The following INSL6 variants were observed in gnomAD, a reference collection of about 807,000 sequenced individuals.
The protein encoded by INSL6 is insulin like 6, also known as insulin-like peptide INSL6.
Under a neutral mutation model 9.4 loss-of-function variants are expected in INSL6, and 16 were observed. The ratio of observed to expected loss-of-function variants is 1.70; its 90% CI spans 1.15 to 2.59. The LOEUF (loss-of-function observed/expected upper bound fraction) is 2.59. Ranked by LOEUF, INSL6 falls within the 30% of genes most tolerant of loss-of-function variation. INSL6 has a pLI of 0.00. For missense variants in INSL6, 391 were observed against 257.3 expected (o/e 1.52, Z -3.56); for synonymous variants, 154 against 96.9 (o/e 1.59, Z -3.46).
the INSL6 span, among the ~76,000 whole-genome samples, chr9:5,009,612 A>G: frequency 3.9e-5 from 6 of 151,980 alleles, no homozygotes; most frequent in Non-Finnish European, 7.4e-5. Flanking sequence ...TTTCTGGTCC[A>G]TTTTGGTCTT....
At chr9:5,086,548 C>T in the INSL6 span, among the ~76,000 whole-genome samples, 1 of 152,268 alleles carries the variant, frequency 6.6e-6, no homozygotes, top group East Asian at 1.9e-4. Flanking sequence ...ATTGTTTTCT[C>T]ATCACCTTAC....
the INSL6 span, among the ~76,000 whole-genome samples, chr9:5,025,684 C>T: frequency 6.6e-6 from 1 of 152,050 alleles, no homozygotes; most frequent in Non-Finnish European, 1.5e-5. Flanking sequence ...AGGCACCCAC[C>T]ACCACACCCA....
chr9:5,095,069 T>C, the INSL6 span: 1 of 152,180 alleles, frequency 6.6e-6, no homozygotes, highest in Non-Finnish European at 1.5e-5. Context: ...CAAGAGAGGT[T>C]AAAATCCTCT....
chr9:5,055,080 T>C, the INSL6 span, among the ~76,000 whole-genome samples: 5 of 152,026 alleles, frequency 3.3e-5, no homozygotes, highest in Admixed American at 3.3e-4. Flanking sequence ...CATTTAATTT[T>C]TTATGACAAA....
chr9:5,123,772 T>C (rs1001064510), downstream of INSL6, among the ~76,000 whole-genome samples: 2 of 151,988 alleles, frequency 1.3e-5, no homozygotes, highest in African/African-American at 4.8e-5. Context: ...TCACCAACAG[T>C]GTATAAGAGT....
chr9:5,050,695 G>A, the INSL6 span: 1 of 1,611,852 alleles, frequency 6.2e-7, no homozygotes, highest in Non-Finnish European at 8.5e-7. Flanking sequence ...GTGGCGGCAT[G>A]ATTTTGTGCA....
intron 3 of INSL6, among the ~76,000 whole-genome samples, chr9:5,131,489 G>A (rs925857701): frequency 3.0e-5 from 4 of 133,454 alleles, no homozygotes; most frequent in Non-Finnish European, 6.0e-5. Context: ...CCAGGCTGGA[G>A]TGCAATGGCG....
the INSL6 span, among the ~76,000 whole-genome samples, chr9:5,011,646 T>C: frequency 6.1e-3 from 926 of 152,344 alleles, 12 homozygotes; most frequent in African/African-American, 0.021. Context: ...ATTTCTATTA[T>C]ATATATTCTT....
chr9:5,070,077 GTC>G, the INSL6 span: 2 of 1,537,342 alleles, frequency 1.3e-6, no homozygotes, highest in Non-Finnish European at 1.8e-6. Flanking sequence ...ACTCATTACT[GTC>G]TTTTTTGTCC....
chr9:5,085,483 T>C, the INSL6 span: 1 of 723,660 alleles, frequency 1.4e-6, no homozygotes, highest in Non-Finnish European at 2.6e-6. Flanking sequence ...TCTCTCATGC[T>C]CATTTTCTTT....
chr9:5,018,140 A>G, the INSL6 span, among the ~76,000 whole-genome samples: 4 of 152,018 alleles, frequency 2.6e-5, no homozygotes, highest in Admixed American at 6.6e-5. Flanking sequence ...CATTTTATTA[A>G]TTGATTTCTG....
chr9:5,182,391 AGAG>A (rs1450028535), intron 1 of INSL6, among the ~76,000 whole-genome samples: 1 of 152,126 alleles, frequency 6.6e-6, no homozygotes, highest in Non-Finnish European at 1.5e-5. Flanking sequence ...ATTGCCAAGG[AGAG>A]GAGGAGAATG....
chr9:5,044,273 T>G, the INSL6 span: 1 of 636,418 alleles, frequency 1.6e-6, no homozygotes, highest in Non-Finnish European at 2.8e-6. Flanking sequence ...ACATTTATAT[T>G]TAATACTGTT....
At chr9:4,992,228 C>G in the INSL6 span, among the ~76,000 whole-genome samples, 1 of 152,180 alleles carries the variant, frequency 6.6e-6, no homozygotes, top group Middle Eastern at 3.2e-3. Context: ...GGAGCATGTA[C>G]ATGTGGCCTG....
intron 2 of INSL6, among the ~76,000 whole-genome samples, chr9:5,146,188 T>C (rs1235370295): frequency 6.6e-6 from 1 of 152,182 alleles, no homozygotes; most frequent in African/African-American, 2.4e-5. Flanking sequence ...CTCAGCGAAT[T>C]GGCCTTGTTT....
chr9:5,157,734 T>G (rs1824842658), intron 2 of INSL6, among the ~76,000 whole-genome samples: 1 of 152,064 alleles, frequency 6.6e-6, no homozygotes, highest in Non-Finnish European at 1.5e-5. Flanking sequence ...CTGGTACAAA[T>G]AAACCCAGAC....
At chr9:5,077,803 A>C in the INSL6 span, among the ~76,000 whole-genome samples, 2 of 152,374 alleles carry the variant, frequency 1.3e-5, no homozygotes, top group East Asian at 3.9e-4. Context: ...TCTTAGAACT[A>C]CTAATAGACA....
chr9:5,062,837 T>A, the INSL6 span, among the ~76,000 whole-genome samples: 1 of 152,176 alleles, frequency 6.6e-6, no homozygotes, highest in East Asian at 1.9e-4. Flanking sequence ...CAATACCTCA[T>A]GTGTTTATAG....
chr9:4,994,350 A>G, the INSL6 span, among the ~76,000 whole-genome samples: 1 of 152,198 alleles, frequency 6.6e-6, no homozygotes, highest in Non-Finnish European at 1.5e-5. Context: ...GGTTCTTATC[A>G]GAATTACCTA....
Sources: gnomAD v4.1 joint callset for allele counts (sites outside exome capture counted in the v4.1 genomes callset) on GRCh38, gnomAD v4.1.1 for gene constraint, MANE v1.5 for transcripts, NCBI Gene and HGNC (gene_info 2026-07-23, HGNC 2026-07-21) for gene names.